SGMS1: variants seen among roughly 807,000 people sequenced by gnomAD.
SGMS1 encodes the protein phosphatidylcholine:ceramide cholinephosphotransferase 1.
A neutral mutation model predicts 46.2 loss-of-function variants in SGMS1; 13 were observed. That is an observed-to-expected ratio of 0.28 (90% CI 0.18 to 0.45). The LOEUF (loss-of-function observed/expected upper bound fraction) is 0.45, where lower values mean the gene tolerates loss of function less well. SGMS1 is among the 20% of genes least tolerant of loss of function. The probability of loss-of-function intolerance (pLI) is 1.00; values close to 1 mark genes in which losing one functional copy is unlikely to be tolerated. For synonymous variants in SGMS1, 203 were observed against 187.8 expected, an observed-to-expected ratio of 1.08 and a Z score of -0.66; for missense variants, 324 against 519.9, an observed-to-expected ratio of 0.62 and a Z score of 3.66.
At chr10:50,491,546 G>A (rs1837567637) in intron 3 of SGMS1, among the ~76,000 whole-genome samples, 1 of 152,050 alleles carries the variant, frequency 6.6e-6, no homozygotes, top group African/African-American at 2.4e-5. Flanking sequence ...AGATTGTGCT[G>A]TCATAAACTA....
At chr10:50,502,407 G>A (rs1331598944) in intron 3 of SGMS1, among the ~76,000 whole-genome samples, 1 of 151,856 alleles carries the variant, frequency 6.6e-6, no homozygotes, top group Non-Finnish European at 1.5e-5. Flanking sequence ...TAAGGGAGAG[G>A]AGAGGTGCCA....
intron 2 of SGMS1, among the ~76,000 whole-genome samples, chr10:50,525,943 T>C (rs1226821500): frequency 6.6e-6 from 1 of 152,242 alleles, no homozygotes; most frequent in African/African-American, 2.4e-5. Flanking sequence ...CAAATTGGTA[T>C]TCCTGTAGAA....
At chr10:50,531,754 G>C (rs1467194292) in intron 2 of SGMS1, among the ~76,000 whole-genome samples, 1 of 152,156 alleles carries the variant, frequency 6.6e-6, no homozygotes, top group Non-Finnish European at 1.5e-5. Context: ...TGTGTGCTTG[G>C]AAGGTATACT....
chr10:50,465,124 T>C (rs1698655982), intron 4 of SGMS1, among the ~76,000 whole-genome samples: 1 of 152,134 alleles, frequency 6.6e-6, no homozygotes, highest in African/African-American at 2.4e-5. Flanking sequence ...AGAATTCCAT[T>C]TTGGAGAAAC....
At chr10:50,563,550 C>T (rs1043533981) in intron 2 of SGMS1, among the ~76,000 whole-genome samples, 2 of 151,060 alleles carry the variant, frequency 1.3e-5, no homozygotes, top group South Asian at 2.1e-4. Flanking sequence ...GAGACCATCC[C>T]GGCTAAAACG....
Position 50,431,635 on chromosome 10 carries a change from G to T in SGMS1, c.-232+1841C>A, listed in dbSNP as rs951759380. ...ATCAAGCCAAGATGAACCTTAAACT[G>T]CCCAGGTTTTGTTTTGTTTTTACTC... is the stretch of plus-strand genomic sequence containing the variant. On this transcript the variant is annotated intron_variant, in intron 6 of 10. Transcript: ENST00000361781. Among the ~76,000 whole-genome samples the T allele has an allele frequency of 2.0e-5, 3 of 152,162 alleles. No homozygotes were observed. The South Asian group carries it at 6.3e-4, about 32-fold the overall frequency.
intron 3 of SGMS1, among the ~76,000 whole-genome samples, chr10:50,470,784 C>T (rs1024563333): frequency 3.3e-4 from 51 of 152,244 alleles, no homozygotes; most frequent in African/African-American, 1.1e-3. Flanking sequence ...TCTCTCAAAA[C>T]TGCTGGCTGA....
rs181293737 is a variant in SGMS1, at chr10:50,592,144, C to T, written c.-683-1897G>A. 5.9e-5 allele frequency among the ~76,000 whole-genome samples: 9 copies of T among 152,014 alleles called. No homozygotes were observed. In the East Asian group the frequency reaches 1.2e-3, roughly 19 times the overall value. On this transcript the variant is annotated intron_variant, in intron 1 of 10. Transcript: ENST00000361781. ...TGCCTCACAACCCAGAACACTTAGA[C>T]CCCCAGGAATACTCACTAAGAAGTT...
At chr10:50,572,587 G>A (rs1838345858) in intron 2 of SGMS1, among the ~76,000 whole-genome samples, 1 of 152,104 alleles carries the variant, frequency 6.6e-6, no homozygotes, top group African/African-American at 2.4e-5. Context: ...ACAATCATCT[G>A]TTTTGTACAC....
At chr10:50,482,821 G>A (rs1459950706) in intron 3 of SGMS1, among the ~76,000 whole-genome samples, 3 of 152,074 alleles carry the variant, frequency 2.0e-5, no homozygotes, top group African/African-American at 4.8e-5. Context: ...CACATCTCAC[G>A]TGCAAAGATA....
chr10:50,599,173 T>C (rs929637249), intron 1 of SGMS1, among the ~76,000 whole-genome samples: 2 of 152,056 alleles, frequency 1.3e-5, no homozygotes, highest in Non-Finnish European at 2.9e-5. Context: ...ACAACAAAAC[T>C]ATACAGATTT....
intron 3 of SGMS1, among the ~76,000 whole-genome samples, chr10:50,480,629 C>T (rs773237843): frequency 3.9e-5 from 6 of 152,078 alleles, no homozygotes; most frequent in Non-Finnish European, 8.8e-5. Flanking sequence ...TCTGTGCAAC[C>T]GTGGATCTGG....
intron 2 of SGMS1, among the ~76,000 whole-genome samples, chr10:50,569,599 T>A (rs571337400): frequency 1.3e-5 from 2 of 152,302 alleles, no homozygotes; most frequent in Admixed American, 6.5e-5. Flanking sequence ...TTTGGTTTAG[T>A]GCACTGTGGG....
At chr10:50,313,591 G>T (rs1564871314) in intron 8 of SGMS1, among the ~76,000 whole-genome samples, 1 of 152,196 alleles carries the variant, frequency 6.6e-6, no homozygotes, top group African/African-American at 2.4e-5. Context: ...GTTTGGTCCA[G>T]TTCTGTTATA....
At chr10:50,619,455 A>G (rs1300786556) in intron 1 of SGMS1, among the ~76,000 whole-genome samples, 2 of 152,264 alleles carry the variant, frequency 1.3e-5, no homozygotes, top group African/African-American at 4.8e-5. Context: ...CAAACAAAGT[A>G]ACTCAACATC....
chr10:50,383,496 C>A (rs1031660175), intron 6 of SGMS1, among the ~76,000 whole-genome samples: 1 of 152,014 alleles, frequency 6.6e-6, no homozygotes, highest in Non-Finnish European at 1.5e-5. Flanking sequence ...GTATAAGCAT[C>A]GCTTGTACAG....
chr10:50,499,199 C>T (rs1837640710), intron 3 of SGMS1, among the ~76,000 whole-genome samples: 1 of 152,136 alleles, frequency 6.6e-6, no homozygotes, highest in South Asian at 2.1e-4. Flanking sequence ...GGACACAAAA[C>T]CATCCTGTAT....
intron 1 of SGMS1, among the ~76,000 whole-genome samples, chr10:50,599,708 C>A (rs1838631358): frequency 6.6e-6 from 1 of 151,968 alleles, no homozygotes; most frequent in Non-Finnish European, 1.5e-5. Context: ...ATTAAAAATA[C>A]AAAAATTAGC....
intron 6 of SGMS1, among the ~76,000 whole-genome samples, chr10:50,359,676 T>A (rs1848215493): frequency 8.2e-6 from 1 of 122,140 alleles, no homozygotes; most frequent in African/African-American, 2.7e-5. Flanking sequence ...CAATCATTCA[T>A]TATGGCAAAA....
Sources: gnomAD v4.1 joint callset for allele counts (sites outside exome capture counted in the v4.1 genomes callset) on GRCh38, gnomAD v4.1.1 for gene constraint, MANE v1.5 for transcripts, NCBI Gene and HGNC (gene_info 2026-07-23, HGNC 2026-07-21) for gene names.